The following TMEM132D variants were observed in gnomAD, a reference collection of about 807,000 sequenced individuals.
TMEM132D encodes transmembrane protein 132D.
TMEM132D carries 21 observed loss-of-function variants against 62.3 expected under a neutral mutation model. The ratio of observed to expected loss-of-function variants is 0.34; its 90% CI spans 0.24 to 0.49. The LOEUF is 0.49. TMEM132D is among the 20% of genes least tolerant of loss of function. The probability of loss-of-function intolerance (pLI) is 0.99; values close to 1 mark genes in which losing one functional copy is unlikely to be tolerated. For missense variants in TMEM132D, 1,346 were observed against 1,402.8 expected (o/e 0.96, Z 0.65); for synonymous variants, 621 against 575.6 (o/e 1.08, Z -1.13).
chr12:129,865,387 A>G (rs1874027160), intron 1 of TMEM132D, among the ~76,000 whole-genome samples: 1 of 151,922 alleles, frequency 6.6e-6, no homozygotes, highest in African/African-American at 2.4e-5. Context: ...CAATCCTACT[A>G]CTATGGTCAC....
At chr12:129,429,000 C>T (rs1380451138) in intron 3 of TMEM132D, among the ~76,000 whole-genome samples, 1 of 152,216 alleles carries the variant, frequency 6.6e-6, no homozygotes, top group Non-Finnish European at 1.5e-5. Flanking sequence ...CTTCAAGTTA[C>T]TCACAGTAGT....
intron 4 of TMEM132D, among the ~76,000 whole-genome samples, chr12:129,310,738 T>C (rs1009937968): frequency 6.6e-6 from 1 of 152,122 alleles, no homozygotes; most frequent in African/African-American, 2.4e-5. Flanking sequence ...GTCAGAGTCA[T>C]CAGATTAGAA....
At chr12:129,847,831 C>T (rs1873411558) in intron 1 of TMEM132D, among the ~76,000 whole-genome samples, 1 of 152,128 alleles carries the variant, frequency 6.6e-6, no homozygotes, top group South Asian at 2.1e-4. Context: ...AACCCTAAAA[C>T]TATCACGCAG....
chr12:129,363,789 ATACAT>A (rs1470661616), intron 3 of TMEM132D, among the ~76,000 whole-genome samples: 1 of 152,236 alleles, frequency 6.6e-6, no homozygotes, highest in East Asian at 1.9e-4. Context: ...ATAAATGTCA[ATACAT>A]TCAGTTAAGC....
At chr12:129,530,082 A>T (rs964664322) in intron 3 of TMEM132D, among the ~76,000 whole-genome samples, 1 of 152,230 alleles carries the variant, frequency 6.6e-6, no homozygotes, top group African/African-American at 2.4e-5. Context: ...CAAATTCCTA[A>T]AAACCAACAT....
chr12:129,734,036 A>G (rs1323225528), intron 1 of TMEM132D, among the ~76,000 whole-genome samples: 1 of 152,192 alleles, frequency 6.6e-6, no homozygotes, highest in Non-Finnish European at 1.5e-5. Flanking sequence ...GCAATCCAGT[A>G]TCAGAGAAGA....
chr12:129,434,293 C>A (rs1872733122), intron 3 of TMEM132D, among the ~76,000 whole-genome samples: 1 of 152,136 alleles, frequency 6.6e-6, no homozygotes, highest in Non-Finnish European at 1.5e-5. Flanking sequence ...GAGATAACAT[C>A]AGGTAACGGA....
At chr12:129,176,353 T>C (rs1877906179) in intron 5 of TMEM132D, among the ~76,000 whole-genome samples, 1 of 152,228 alleles carries the variant, frequency 6.6e-6, no homozygotes, top group South Asian at 2.1e-4. Flanking sequence ...ACAGTGTGAC[T>C]CCACCATACT....
At chr12:129,554,617 T>A (rs1877000330) in intron 2 of TMEM132D, among the ~76,000 whole-genome samples, 1 of 152,164 alleles carries the variant, frequency 6.6e-6, no homozygotes. Context: ...TATAACCACC[T>A]TCTCTCTACT....
At chr12:129,395,576 A>G (rs1385071417) in intron 3 of TMEM132D, among the ~76,000 whole-genome samples, 2 of 152,036 alleles carry the variant, frequency 1.3e-5, no homozygotes, top group Non-Finnish European at 2.9e-5. Context: ...CAAATGTGCA[A>G]TAAAAGAATG....
At chr12:129,495,195 T>G (rs964737697) in intron 3 of TMEM132D, among the ~76,000 whole-genome samples, 1 of 146,282 alleles carries the variant, frequency 6.8e-6, no homozygotes, top group Non-Finnish European at 1.5e-5. Context: ...ATCTATTAGA[T>G]TCACACAAAC....
At chr12:129,310,344 A>T (rs188947614) in intron 4 of TMEM132D, among the ~76,000 whole-genome samples, 1 of 152,364 alleles carries the variant, frequency 6.6e-6, no homozygotes, top group East Asian at 1.9e-4. Flanking sequence ...GATGAACCAC[A>T]GACATGCTTC....
intron 5 of TMEM132D, among the ~76,000 whole-genome samples, chr12:129,199,388 C>T (rs1878633997): frequency 6.6e-6 from 1 of 152,130 alleles, no homozygotes; most frequent in Non-Finnish European, 1.5e-5. Flanking sequence ...AGGTGTGAAC[C>T]ACCACGCTCA....
intron 1 of TMEM132D, among the ~76,000 whole-genome samples, chr12:129,746,858 C>T (rs900407851): frequency 6.6e-6 from 1 of 152,106 alleles, no homozygotes; most frequent in African/African-American, 2.4e-5. Flanking sequence ...GTGCAACTTG[C>T]TCAGCGACGG....
chr12:129,301,624 T>A (rs541918593), intron 4 of TMEM132D, among the ~76,000 whole-genome samples: 25 of 152,198 alleles, frequency 1.6e-4, no homozygotes, highest in Non-Finnish European at 3.1e-4. Context: ...CAATCACAGC[T>A]GCAACCATGA....
intron 1 of TMEM132D, among the ~76,000 whole-genome samples, chr12:129,810,120 T>C (rs766952779): frequency 1.6e-4 from 25 of 152,204 alleles, no homozygotes; most frequent in Non-Finnish European, 2.6e-4. Context: ...AAACATTAAG[T>C]TGGCGGTGCC....
chr12:129,278,114 C>T (rs1881046137), intron 4 of TMEM132D, among the ~76,000 whole-genome samples: 1 of 152,194 alleles, frequency 6.6e-6, no homozygotes. Context: ...CACTCCTTTA[C>T]ATAAGCCCCA....
At chr12:129,644,873 C>A (rs1170062266) in intron 2 of TMEM132D, among the ~76,000 whole-genome samples, 1 of 148,924 alleles carries the variant, frequency 6.7e-6, no homozygotes, top group Non-Finnish European at 1.5e-5. Context: ...GTAGTCCCAG[C>A]TACTCGGGAG....
intron 3 of TMEM132D, among the ~76,000 whole-genome samples, chr12:129,348,374 C>A (rs1461042453): frequency 6.6e-6 from 1 of 152,156 alleles, no homozygotes; most frequent in Non-Finnish European, 1.5e-5. Flanking sequence ...ACTATGCAGC[C>A]ATAAAAGCAA....
Sources: gnomAD v4.1 joint callset for allele counts (sites outside exome capture counted in the v4.1 genomes callset) on GRCh38, gnomAD v4.1.1 for gene constraint, MANE v1.5 for transcripts, NCBI Gene and HGNC (gene_info 2026-07-23, HGNC 2026-07-21) for gene names.